Variants in ADGRV1 observed in about 807,000 individuals in gnomAD.
ADGRV1 encodes the protein adhesion G protein-coupled receptor V1.
Under a neutral mutation model 596.2 loss-of-function variants are expected in ADGRV1, and 359 were observed. That is an observed-to-expected ratio of 0.60 (90% CI 0.55 to 0.66). ADGRV1 has a LOEUF of 0.66. ADGRV1 is among the 30% of genes least tolerant of loss of function. The pLI, the probability that ADGRV1 is intolerant of heterozygous loss-of-function variation, is 0.00. For synonymous variants in ADGRV1, 2,681 were observed against 2,679.2 expected, an observed-to-expected ratio of 1.00 and a Z score of -0.02; for missense variants, 7,274 against 7,575.6, an observed-to-expected ratio of 0.96 and a Z score of 1.48.
At position 90,693,137 on chromosome 5, in the gene ADGRV1, G is replaced by GTTTTTTTTTCT. The variant is rs1554084651; in HGVS notation, c.7133+360_7133+361insCTTTTTTTTTT. On this transcript the variant is annotated intron_variant, in intron 32 of 89. Transcript: ENST00000405460. ...TATGAAGGAGCTGATTTCCAGGTCT[G>GTTTTTTTTTCT]TTTTTTTTTTCTTTTTTTGTGAGGC... 7.4e-4 allele frequency among the ~76,000 whole-genome samples: 98 copies of GTTTTTTTTTCT among 131,810 alleles called. 1 individual carries two copies. The Middle Eastern group carries it at 0.019, about 25-fold the overall frequency. The allele number at this position is 131,810 out of a possible 152,430, so 86.5% of individuals were successfully genotyped here.
chr5:91,036,444 C>T (rs1784916361), intron 85 of ADGRV1, among the ~76,000 whole-genome samples: 1 of 152,034 alleles, frequency 6.6e-6, no homozygotes, highest in Admixed American at 6.6e-5. Flanking sequence ...CACCTGTAGT[C>T]CCAGCTACTT....
intron 83 of ADGRV1, 64 bp from the exon 84 acceptor site, chr5:90,965,351 A>G (rs1778356414): frequency 9.8e-7 from 1 of 1,020,554 alleles, no homozygotes; most frequent in Admixed American, 1.8e-5. Context: ...AAAGCAGTTT[A>G]CTTTCTTAAT....
At chr5:90,569,395 T>A (rs1297972773) in intron 1 of ADGRV1, among the ~76,000 whole-genome samples, 40 of 104,450 alleles carry the variant, frequency 3.8e-4, no homozygotes, top group African/African-American at 9.6e-4. Context: ...ATATTTTTTT[T>A]TTTTTTTTTT....
chr5:90,893,851 T>G (rs186414966), intron 83 of ADGRV1, among the ~76,000 whole-genome samples: 1 of 152,340 alleles, frequency 6.6e-6, no homozygotes, highest in East Asian at 1.9e-4. Context: ...TTGTTCATTT[T>G]GGAGATTATT....
intron 85 of ADGRV1, among the ~76,000 whole-genome samples, chr5:91,034,664 G>A (rs183912020): frequency 2.0e-5 from 3 of 152,220 alleles, no homozygotes; most frequent in Non-Finnish European, 4.4e-5. Context: ...TCTTTCAGGT[G>A]TTTTCTTCTC....
At chr5:90,573,638 C>G (rs1199658937) in intron 1 of ADGRV1, among the ~76,000 whole-genome samples, 1 of 152,132 alleles carries the variant, frequency 6.6e-6, no homozygotes, top group Non-Finnish European at 1.5e-5. Context: ...CATCATTATG[C>G]AGTCTATGAC....
At chr5:90,875,005 C>T (rs866950609) in intron 83 of ADGRV1, among the ~76,000 whole-genome samples, 4 of 152,306 alleles carry the variant, frequency 2.6e-5, no homozygotes, top group Non-Finnish European at 4.4e-5. Flanking sequence ...TTCCTATATT[C>T]TCAATTCCTT....
intron 45 of ADGRV1, among the ~76,000 whole-genome samples, chr5:90,722,757 G>T (rs1021119580): frequency 2.6e-5 from 3 of 115,424 alleles, no homozygotes; most frequent in Non-Finnish European, 5.2e-5. Context: ...AAAAAAAAAA[G>T]GTCTCTGCTG....
At chr5:90,751,796 G>A (rs1436547459) in intron 53 of ADGRV1, among the ~76,000 whole-genome samples, 3 of 152,114 alleles carry the variant, frequency 2.0e-5, no homozygotes, top group Admixed American at 6.6e-5. Flanking sequence ...AACGTGATTG[G>A]AGCTTCTGTA....
intron 72 of ADGRV1, 124 bp from the exon 73 acceptor site, chr5:90,807,478 T>G (rs1762014460): frequency 1.0e-6 from 1 of 959,376 alleles, no homozygotes; most frequent in East Asian, 2.7e-5. Context: ...TTAAAAATGT[T>G]TTACCTTTTG....
At chr5:90,721,616 A>C (rs1196180360) in intron 45 of ADGRV1, among the ~76,000 whole-genome samples, 1 of 149,084 alleles carries the variant, frequency 6.7e-6, no homozygotes, top group Admixed American at 6.7e-5. Flanking sequence ...TATGCCAGGC[A>C]TGGCACTGAA....
chr5:90,965,383 A>G (rs1778359167), intron 83 of ADGRV1, 32 bp from the exon 84 acceptor site: 1 of 1,299,938 alleles, frequency 7.7e-7, no homozygotes, highest in African/African-American at 1.5e-5. Context: ...ATTTTAGCAT[A>G]TTTTAAAAAT....
intron 87 of ADGRV1, among the ~76,000 whole-genome samples, chr5:91,148,526 C>T (rs1795747522): frequency 6.6e-6 from 1 of 152,334 alleles, no homozygotes; most frequent in South Asian, 2.1e-4. Context: ...GTTTGGGGAC[C>T]TCTGCCTATA....
intron 69 of ADGRV1, 49 bp downstream of exon 69, chr5:90,789,900 G>A (rs1759879404): frequency 3.2e-6 from 4 of 1,260,916 alleles, no homozygotes; most frequent in African/African-American, 1.5e-5. Context: ...CCTAACAAAT[G>A]TGGTTAAGAG....
intron 84 of ADGRV1, among the ~76,000 whole-genome samples, chr5:90,984,873 G>A (rs765956989): frequency 1.7e-4 from 26 of 152,108 alleles, no homozygotes; most frequent in Non-Finnish European, 2.8e-4. Context: ...TGTCTTCAAC[G>A]TTATTTCCCC....
intron 1 of ADGRV1, among the ~76,000 whole-genome samples, chr5:90,604,564 C>T (rs1207797621): frequency 6.6e-6 from 1 of 152,066 alleles, no homozygotes; most frequent in Non-Finnish European, 1.5e-5. Context: ...TGTAGGATTA[C>T]AAAATTACGT....
intron 85 of ADGRV1, among the ~76,000 whole-genome samples, chr5:91,045,442 T>C (rs1459477300): frequency 6.6e-6 from 1 of 152,160 alleles, no homozygotes; most frequent in Non-Finnish European, 1.5e-5. Flanking sequence ...AAAAATCACA[T>C]GATCCCCTCA....
chr5:91,125,883 G>A (rs774908909), intron 87 of ADGRV1, among the ~76,000 whole-genome samples: 6 of 152,114 alleles, frequency 3.9e-5, no homozygotes, highest in African/African-American at 9.7e-5. Context: ...TTTCATTGTC[G>A]TCTTCCTTCT....
intron 84 of ADGRV1, among the ~76,000 whole-genome samples, chr5:90,978,674 A>G (rs952450997): frequency 6.6e-6 from 1 of 152,202 alleles, no homozygotes; most frequent in African/African-American, 2.4e-5. Flanking sequence ...TGCCTGTATC[A>G]AAACATCACA....
Sources: allele counts gnomAD v4.1 joint callset (sites outside exome capture counted in the v4.1 genomes callset), GRCh38; gene constraint gnomAD v4.1.1; transcripts MANE v1.5; gene names NCBI Gene and HGNC (gene_info 2026-07-23, HGNC 2026-07-21).